The following MTCL1 variants were observed in gnomAD, a reference collection of about 807,000 sequenced individuals.
MTCL1 encodes microtubule crosslinking factor 1.
MTCL1 carries 79 observed loss-of-function variants against 141.4 expected under a neutral mutation model. The ratio of observed to expected loss-of-function variants is 0.56; its 90% confidence interval spans 0.47 to 0.67. The LOEUF (loss-of-function observed/expected upper bound fraction) is 0.67. Among genes scored for constraint, MTCL1 ranks in the 30% least tolerant of loss-of-function variants. The pLI, the probability that MTCL1 is intolerant of heterozygous loss-of-function variation, is 0.00. For missense variants in MTCL1, 2,177 were observed against 2,113.9 expected (o/e 1.03, Z -0.59); for synonymous variants, 914 against 875.8 (o/e 1.04, Z -0.77).
chr18:8,795,073 A>C (rs957412710), intron 8 of MTCL1, among the ~76,000 whole-genome samples: 2 of 152,254 alleles, frequency 1.3e-5, no homozygotes, highest in Non-Finnish European at 2.9e-5. Flanking sequence ...GATGATGAAT[A>C]AAATCACCTG....
intron 4 of MTCL1, among the ~76,000 whole-genome samples, chr18:8,737,978 C>G (rs2096282526): frequency 6.6e-6 from 1 of 152,158 alleles, no homozygotes; most frequent in African/African-American, 2.4e-5. Context: ...GAAGAATCAA[C>G]ATATGTTTTC....
chr18:8,709,367 A>AT (rs1349077173), intron 1 of MTCL1, among the ~76,000 whole-genome samples: 1 of 151,782 alleles, frequency 6.6e-6, no homozygotes, highest in African/African-American at 2.4e-5. Context: ...TAATTTTTAA[A>AT]TTTTTTTATA....
chr18:8,800,682 C>A (rs185602568), intron 10 of MTCL1: 1 of 150,264 alleles, frequency 6.7e-6, no homozygotes, highest in Non-Finnish European at 1.5e-5. Flanking sequence ...CCAAGACTCA[C>A]GCCACTGCGT....
chr18:8,743,226 T>A (rs2096314676), intron 4 of MTCL1, among the ~76,000 whole-genome samples: 1 of 152,244 alleles, frequency 6.6e-6, no homozygotes, highest in African/African-American at 2.4e-5. Flanking sequence ...AATTTTTAAA[T>A]GACATATCCA....
exon 6 of MTCL1, chr18:8,784,802 C>G: frequency 6.2e-7 from 1 of 1,607,950 alleles, no homozygotes. Context: ...CCGGGACTCC[C>G]CCATCGGGAA....
At chr18:8,790,559 T>G (rs2075685575) in intron 7 of MTCL1, among the ~76,000 whole-genome samples, 1 of 152,248 alleles carries the variant, frequency 6.6e-6, no homozygotes, top group African/African-American at 2.4e-5. Flanking sequence ...GCCGCTGTGT[T>G]TACTGCTGTA....
chr18:8,784,513 G>C, exon 6 of MTCL1: 1 of 1,599,646 alleles, frequency 6.3e-7, no homozygotes, highest in Non-Finnish European at 8.5e-7. Flanking sequence ...TAGAGCGGAC[G>C]GTGGAGCGCC....
intron 7 of MTCL1, among the ~76,000 whole-genome samples, chr18:8,788,263 T>C (rs1288505760): frequency 6.6e-6 from 1 of 152,042 alleles, no homozygotes; most frequent in Non-Finnish European, 1.5e-5. Flanking sequence ...CTTCTACATT[T>C]CCCTTGAAAT....
chr18:8,826,725 T>C (rs1288959333), intron 15 of MTCL1, among the ~76,000 whole-genome samples: 1 of 152,178 alleles, frequency 6.6e-6, no homozygotes, highest in Non-Finnish European at 1.5e-5. Flanking sequence ...CTGGCTTCCT[T>C]ACAAAACAGC....
At position 8,706,184 on chromosome 18, in the gene MTCL1, GC is replaced by G. The variant is rs1429615466; in HGVS notation, c.530del (p.Pro177ArgfsTer10). On this transcript the variant is annotated frameshift_variant, in exon 1 of 14. Coordinates refer to the MTCL1 transcript ENST00000306329. LOFTEE classifies it high-confidence loss of function. The stretch of plus-strand genomic sequence containing the variant: ...CGGGCGCCACCCGCCCGCACCGTCG[GC>G]CCCCCGACCCCGGCCGCCCGGATCC... 8.2e-7 allele frequency: 1 copy of G among 1,224,296 alleles called. No individual in the cohort carries two copies. Among genetic ancestry groups the G allele is most frequent in the Non-Finnish European group, 1.0e-6 (1 of 983,050 alleles). The allele number at this position is 1,224,296 out of a possible 1,614,324, so 75.8% of individuals were successfully genotyped here.
At chr18:8,718,589 G>A (rs1400833432) in exon 3 of MTCL1, 3 of 1,613,952 alleles carry the variant, frequency 1.9e-6, no homozygotes, top group Non-Finnish European at 2.5e-6. Context: ...AAGCCTGAAA[G>A]TGGCTGAGAC....
chr18:8,735,300 A>C (rs2096269847), intron 4 of MTCL1, among the ~76,000 whole-genome samples: 1 of 152,148 alleles, frequency 6.6e-6, no homozygotes, highest in Non-Finnish European at 1.5e-5. Flanking sequence ...TGCCACCTTC[A>C]GTTTCTTTTC....
At chr18:8,789,580 G>T in intron 7 of MTCL1, 1 of 985,406 alleles carries the variant, frequency 1.0e-6, no homozygotes, top group Non-Finnish European at 1.2e-6. Context: ...CGGGAGTTCC[G>T]GAACACTGAC....
At chr18:8,802,406 A>G (rs1048619770) in intron 10 of MTCL1, 1 of 152,208 alleles carries the variant, frequency 6.6e-6, no homozygotes, top group African/African-American at 2.4e-5. Flanking sequence ...GCTGTGATGC[A>G]AGCAAAGTAG....
chr18:8,717,646 G>C (rs2096137844), intron 1 of MTCL1: 1 of 152,726 alleles, frequency 6.5e-6, no homozygotes, highest in Non-Finnish European at 1.5e-5. Context: ...ATCTGTGTGT[G>C]GCTCCCCTCC....
chr18:8,717,803 A>G (rs1440102536), intron 1 of MTCL1: 3 of 695,426 alleles, frequency 4.3e-6, no homozygotes, highest in Non-Finnish European at 5.3e-6. Context: ...ATTCCTGTGG[A>G]CAGCAAAGAG....
At chr18:8,720,542 A>G in intron 4 of MTCL1, 46 bp downstream of exon 3, 7 of 1,573,728 alleles carry the variant, frequency 4.4e-6, no homozygotes, top group Non-Finnish European at 4.3e-6. Context: ...TTTAATAAGG[A>G]GGAGCTTGGA....
intron 11 of MTCL1, among the ~76,000 whole-genome samples, chr18:8,811,630 T>C (rs1224342591): frequency 6.6e-6 from 1 of 152,168 alleles, no homozygotes; most frequent in African/African-American, 2.4e-5. Context: ...TAACTCATTT[T>C]AAGAAAGTTA....
intron 16 of MTCL1, 55 bp from the exon 15 acceptor site, chr18:8,831,552 C>T (rs2077191529): frequency 6.5e-7 from 1 of 1,535,892 alleles, no homozygotes; most frequent in Non-Finnish European, 8.8e-7. Flanking sequence ...GGGGAATCAT[C>T]CACTGGTGAC....
Sources: gnomAD v4.1 joint callset for allele counts (sites outside exome capture counted in the v4.1 genomes callset) on GRCh38, gnomAD v4.1.1 for gene constraint, MANE v1.5 for transcripts, NCBI Gene and HGNC (gene_info 2026-07-23, HGNC 2026-07-21) for gene names.